Variants in CERKL observed in about 807,000 individuals in gnomAD.
The protein encoded by CERKL is CERK like autophagy regulator.
CERKL carries 61 observed loss-of-function variants against 63.4 expected under a neutral mutation model. That is an observed-to-expected ratio of 0.96 (90% CI 0.78 to 1.19). The LOEUF is 1.19. Among genes scored for constraint, CERKL ranks in the 50% most tolerant of loss-of-function variants. The pLI is 0.00. For missense variants in CERKL, 675 were observed against 655.5 expected (o/e 1.03, Z -0.33); for synonymous variants, 250 against 230.5 (o/e 1.08, Z -0.77).
rs10180793 is a variant in CERKL, at chr2:181,539,124, G to A, written c.1506C>T (p.Asp502=). The change falls in exon 12 of 13, where the codon GAC becomes GAT. Residue 502 remains aspartate, a synonymous_variant. Coordinates refer to ENST00000410087, the MANE Select transcript of CERKL (RefSeq NM_201548.5). ...GGACCTCTGATGCAACTTCCATTAA[G>A]TCACCATCTACATTCCAAGGGAAAC... The part of the protein sequence containing the change: ...ENCFPWNVDG[D]LMEVASEVHI... 1,606,115 of 1,608,470 alleles carry A rather than the reference G, an allele frequency of 1. 801,911 individuals are homozygous for A. The highest frequency in any genetic ancestry group is 1 in the East Asian group (44,772 of 44,774).
intron 1 of CERKL, among the ~76,000 whole-genome samples, chr2:181,641,640 G>A (rs1279555068): frequency 6.6e-6 from 1 of 152,056 alleles, no homozygotes; most frequent in African/African-American, 2.4e-5. Flanking sequence ...TAGAAACAAA[G>A]ACTAAAATGA....
chr2:181,616,692 T>A (rs1480229058), intron 1 of CERKL, among the ~76,000 whole-genome samples: 1 of 152,216 alleles, frequency 6.6e-6, no homozygotes, highest in Non-Finnish European at 1.5e-5. Flanking sequence ...GCTGTTTGAC[T>A]TTCAATCATA....
chr2:181,546,220 T>C (rs1687719857), intron 10 of CERKL, among the ~76,000 whole-genome samples: 1 of 152,160 alleles, frequency 6.6e-6, no homozygotes, highest in Admixed American at 6.6e-5. Flanking sequence ...AGTGGAATTC[T>C]AGTCAAGCAG....
At chr2:181,644,242 C>T (rs1415349319) in intron 1 of CERKL, among the ~76,000 whole-genome samples, 8 of 152,266 alleles carry the variant, frequency 5.3e-5, no homozygotes, top group African/African-American at 1.9e-4. Context: ...CCTGCTCTGC[C>T]TTGGCAGGGT....
chr2:181,599,236 A>G (rs1401300515), intron 2 of CERKL, among the ~76,000 whole-genome samples: 1 of 152,106 alleles, frequency 6.6e-6, no homozygotes, highest in East Asian at 1.9e-4. Flanking sequence ...AGGGAACATC[A>G]AAATACACTT....
At chr2:181,629,542 C>T (rs1686859475) in intron 1 of CERKL, among the ~76,000 whole-genome samples, 1 of 151,922 alleles carries the variant, frequency 6.6e-6, no homozygotes, top group Non-Finnish European at 1.5e-5. Context: ...AAAATAAACA[C>T]TGATTTCAGT....
At chr2:181,647,340 C>T (rs1687712580) in intron 1 of CERKL, among the ~76,000 whole-genome samples, 1 of 152,180 alleles carries the variant, frequency 6.6e-6, no homozygotes, top group Non-Finnish European at 1.5e-5. Flanking sequence ...AGAAGAAAAG[C>T]TGGAAAATCA....
At chr2:181,573,427 C>A (rs1478706251) in intron 3 of CERKL, among the ~76,000 whole-genome samples, 1 of 152,068 alleles carries the variant, frequency 6.6e-6, no homozygotes, top group Non-Finnish European at 1.5e-5. Flanking sequence ...CAATTTCTTG[C>A]CTAACTGCAA....
In CERKL at chr2:181,603,920, AGTTT is replaced by A; in HGVS notation, c.394_397del (p.Lys132Ter). On this transcript the variant is annotated frameshift_variant, in exon 2 of 13. Coordinates refer to ENST00000410087, the MANE Select transcript of CERKL (RefSeq NM_201548.5). LOFTEE classifies it high-confidence loss of function. ...AATAAGATCAAGTGTAGAATTCTTT[AGTTT>A]ATTTTGTTCCTTTTTCAAGCAGATG... 6.2e-7 allele frequency: 1 copy of A among 1,613,012 alleles called. No individual in the cohort carries two copies.
At position 181,558,146 on chromosome 2, in the gene CERKL, T is replaced by A. The variant is rs1574447142; in HGVS notation, c.820+420A>T. ...TCTGGTTATACATCAATTATGCAAG[T>A]TACCATATTCACCTCATATGGAATT... On this transcript the variant is annotated intron_variant, in intron 5 of 12. Transcript: ENST00000410087. The surrounding 1 kb of genome is among the most constrained non-coding windows in gnomAD (Gnocchi z 4.2). 6.6e-6 allele frequency among the ~76,000 whole-genome samples: 1 copy of A among 152,186 alleles called. No homozygotes were observed. Among genetic ancestry groups the A allele is most frequent in the South Asian group, 2.1e-4 (1 of 4,832 alleles).
rs185718216 is a variant in CERKL, at chr2:181,573,566, T to C, written c.613+187A>G. 1.3e-3 allele frequency among the ~76,000 whole-genome samples: 195 copies of C among 152,234 alleles called. 2 individuals carry two copies. In the Middle Eastern group the frequency reaches 0.014, roughly 11 times the overall value. ...AAAAATTCTAAAGAGAAAATATTAA[T>C]ATTCTAATAAAAATAACAAAAATAA... On this transcript the variant is annotated intron_variant, in intron 3 of 12. Transcript: ENST00000410087.
chr2:181,560,447 A>G (rs548654653), intron 4 of CERKL, among the ~76,000 whole-genome samples: 7 of 152,318 alleles, frequency 4.6e-5, no homozygotes, highest in Middle Eastern at 6.8e-3. Flanking sequence ...TTGTCATAAT[A>G]CATTCTGTGT....
chr2:181,589,529 T>C (rs868205749), intron 2 of CERKL, among the ~76,000 whole-genome samples: 10 of 152,224 alleles, frequency 6.6e-5, no homozygotes, highest in South Asian at 2.1e-4. Context: ...AAAATCTTCA[T>C]ATTTAAGTCT....
intron 1 of CERKL, among the ~76,000 whole-genome samples, chr2:181,622,066 AG>A (rs1686479490): frequency 1.3e-5 from 2 of 152,242 alleles, no homozygotes; most frequent in Non-Finnish European, 2.9e-5. Context: ...AGATAGCAAG[AG>A]GTGAAGCAGG....
At chr2:181,601,974 A>ATATGTAGTTTAT (rs1406420853) in intron 2 of CERKL, among the ~76,000 whole-genome samples, 1 of 152,214 alleles carries the variant, frequency 6.6e-6, no homozygotes, top group African/African-American at 2.4e-5. Context: ...AGACTAAAGG[A>ATATGTAGTTTAT]TATGTAGTTT....
chr2:181,547,137 TGTAA>T (rs2105800865), intron 10 of CERKL, among the ~76,000 whole-genome samples: 1 of 149,432 alleles, frequency 6.7e-6, no homozygotes, highest in East Asian at 1.9e-4. Context: ...AACGTGGAAC[TGTAA>T]GTCCATTAAA....
At chr2:181,548,304 G>A in intron 8 of CERKL, 1 of 551,640 alleles carries the variant, frequency 1.8e-6, no homozygotes, top group African/African-American at 1.9e-5. Flanking sequence ...AAGGGAAAAA[G>A]AGAACGGAAG....
intron 2 of CERKL, among the ~76,000 whole-genome samples, chr2:181,600,134 C>A (rs1222377005): frequency 6.6e-6 from 1 of 152,174 alleles, no homozygotes; most frequent in Non-Finnish European, 1.5e-5. Flanking sequence ...GAAATAAAGT[C>A]TTTCCCAGGC....
At chr2:181,605,353 T>C (rs558745275) in intron 1 of CERKL, among the ~76,000 whole-genome samples, 2 of 152,206 alleles carry the variant, frequency 1.3e-5, no homozygotes, top group African/African-American at 4.8e-5. Context: ...AGAGGTCCCC[T>C]TGAGACTTTA....
Sources: gnomAD v4.1 joint callset for allele counts (sites outside exome capture counted in the v4.1 genomes callset) on GRCh38, gnomAD v4.1.1 for gene constraint, Gnocchi (gnomAD v3.1) non-coding constraint, MANE v1.5 for transcripts, NCBI Gene and HGNC (gene_info 2026-07-23, HGNC 2026-07-21) for gene names.